PDS5B: variants seen among roughly 807,000 people sequenced by gnomAD.
PDS5B encodes sister chromatid cohesion protein PDS5 homolog B.
A neutral mutation model predicts 184.1 loss-of-function variants in PDS5B; 51 were observed. The observed-to-expected ratio is 0.28, with a 90% confidence interval of 0.22 to 0.35. PDS5B has a LOEUF of 0.35. Among genes scored for constraint, PDS5B ranks in the 10% least tolerant of loss-of-function variants. PDS5B has a pLI of 1.00. For synonymous variants in PDS5B, 566 were observed against 569.2 expected, an observed-to-expected ratio of 0.99 and a Z score of 0.08; for missense variants, 1,180 against 1,723.3, an observed-to-expected ratio of 0.68 and a Z score of 5.58.
chr13:32,666,059 G>A (rs751114016), intron 6 of PDS5B, among the ~76,000 whole-genome samples: 15 of 151,968 alleles, frequency 9.9e-5, no homozygotes, highest in Admixed American at 7.2e-4. Context: ...TAGATAGAAG[G>A]CATAGTTCTT....
chr13:32,732,111 C>T lies in PDS5B; in HGVS notation c.2134C>T (p.Pro712Ser). The T allele has an allele frequency of 6.2e-7, 1 of 1,607,758 alleles. No individual in the cohort carries two copies. ...ATTTTTTTTTAATAGAGCCTTGCTT[C>T]CTGTTTTACATCACAAATCTAAAAA... The part of the protein sequence containing the change: ...DFPHIRSALL[P>S]VLHHKSKKGP... The change falls in exon 20 of 35, where the codon CCT becomes TCT. Residue 712 changes from proline (P) to serine (S), a missense_variant. Coordinates refer to ENST00000315596, the MANE Select transcript of PDS5B (RefSeq NM_015032.4).
At chr13:32,586,964 C>T (rs1457171034) in intron 1 of PDS5B, among the ~76,000 whole-genome samples, 7 of 137,860 alleles carry the variant, frequency 5.1e-5, no homozygotes, top group African/African-American at 5.2e-5. Flanking sequence ...GCGGGGGTCT[C>T]GGGGCCGCCC....
Position 32,658,247 on chromosome 13 carries a change from T to C in PDS5B, c.321T>C (p.Phe107=). Residue 107 remains phenylalanine (F), a synonymous_variant, in exon 4 of 35, where the codon TTT becomes TTC. Coordinates refer to ENST00000315596, the MANE Select transcript of PDS5B (RefSeq NM_015032.4). ...GTCTTTTTTTATTTAAGGATATATT[T>C]ATGTTTATAACAAGACAGTTGAAGG... The part of the protein sequence containing the change: ...YTSPDKLKDI[F]MFITRQLKGL... The C allele has an allele frequency of 1.4e-6, 2 of 1,413,672 alleles. No homozygotes were observed. The highest frequency in any genetic ancestry group is 2.0e-6 in the Non-Finnish European group (2 of 1,011,850). The allele number at this position is 1,413,672 out of a possible 1,614,324, so 87.6% of individuals were successfully genotyped here. A position where few individuals can be genotyped will look rare whatever the true frequency, so the allele number is the denominator to read the frequency against.
intron 32 of PDS5B, 37 bp downstream of exon 32, chr13:32,770,597 T>TA: frequency 6.2e-7 from 1 of 1,600,082 alleles, no homozygotes; most frequent in Non-Finnish European, 8.5e-7. Flanking sequence ...TCTGTTTCGT[T>TA]ACTATATTAT....
intron 6 of PDS5B, among the ~76,000 whole-genome samples, chr13:32,665,512 C>T (rs1057152043): frequency 1.5e-5 from 2 of 135,564 alleles, no homozygotes; most frequent in Non-Finnish European, 3.1e-5. Context: ...TGGTGTGAAC[C>T]CGGGAGGCAG....
chr13:32,777,382 T>C lies in PDS5B; in HGVS notation c.*2330T>C, dbSNP rs965102272. On this transcript the variant is annotated 3_prime_UTR_variant, in exon 35 of 35. Coordinates refer to ENST00000315596, the MANE Select transcript of PDS5B (RefSeq NM_015032.4). ...TTTTTTTTTTGTGTAGAAAAATAGG[T>C]GCAATAATGATCAAAGTTTTGATGT... is the stretch of plus-strand genomic sequence containing the variant. 1 of 141,336 alleles carries C rather than the reference T, an allele frequency of 7.1e-6. No individual in the cohort carries two copies. The highest frequency in any genetic ancestry group is 1.5e-5 in the Non-Finnish European group (1 of 65,136). The allele number at this position is 141,336 out of a possible 1,614,324, so 8.8% of individuals were successfully genotyped here. A position where few individuals can be genotyped will look rare whatever the true frequency, so the allele number is the denominator to read the frequency against.
At chr13:32,726,937 AT>A (rs1245348408) in intron 19 of PDS5B, among the ~76,000 whole-genome samples, 1 of 152,058 alleles carries the variant, frequency 6.6e-6, no homozygotes. Flanking sequence ...TTATTTATTT[AT>A]TTTTAAATAA....
intron 1 of PDS5B, among the ~76,000 whole-genome samples, chr13:32,641,315 T>C (rs1950083112): frequency 1.3e-5 from 2 of 152,184 alleles, no homozygotes; most frequent in South Asian, 4.1e-4. Flanking sequence ...TGATACCCTC[T>C]TCTTCTGTGT....
chr13:32,642,160 G>C (rs1478645678), intron 1 of PDS5B, among the ~76,000 whole-genome samples: 1 of 152,138 alleles, frequency 6.6e-6, no homozygotes, highest in East Asian at 1.9e-4. Flanking sequence ...GAATTTTGCA[G>C]TAGTTTTCTA....
At chr13:32,616,689 G>A (rs1468309382) in intron 1 of PDS5B, among the ~76,000 whole-genome samples, 1 of 152,036 alleles carries the variant, frequency 6.6e-6, no homozygotes, top group African/African-American at 2.4e-5. Flanking sequence ...TCTACCTTGG[G>A]ATTATTTATT....
intron 1 of PDS5B, among the ~76,000 whole-genome samples, chr13:32,603,372 T>C (rs1244864716): frequency 6.6e-6 from 1 of 152,146 alleles, no homozygotes; most frequent in African/African-American, 2.4e-5. Context: ...CCATTTCTTG[T>C]TTTTGTCAGG....
chr13:32,728,197 T>C (rs1952976817), intron 19 of PDS5B, among the ~76,000 whole-genome samples: 1 of 152,098 alleles, frequency 6.6e-6, no homozygotes, highest in Non-Finnish European at 1.5e-5. Flanking sequence ...AGCACTGCAT[T>C]CCTGATTTAT....
chr13:32,676,034 A>T, intron 9 of PDS5B, 75 bp downstream of exon 9: 1 of 775,270 alleles, frequency 1.3e-6, no homozygotes, highest in Non-Finnish European at 2.2e-6. Context: ...CATTATCCAC[A>T]TTTAAACTGT....
At chr13:32,735,054 A>G in intron 20 of PDS5B, 118 bp from the exon 21 acceptor site, 1 of 588,596 alleles carries the variant, frequency 1.7e-6, no homozygotes, top group Non-Finnish European at 2.7e-6. Flanking sequence ...TGTAGTTTTT[A>G]TAATTTGAAT....
At chr13:32,646,469 A>G (rs1428880329) in intron 1 of PDS5B, among the ~76,000 whole-genome samples, 1 of 147,602 alleles carries the variant, frequency 6.8e-6, no homozygotes. Context: ...TGTTTTGGCA[A>G]CTGAATGGTA....
intron 1 of PDS5B, among the ~76,000 whole-genome samples, chr13:32,637,147 A>ATC (rs1231264839): frequency 2.0e-5 from 3 of 146,660 alleles, no homozygotes; most frequent in African/African-American, 7.6e-5. Flanking sequence ...GCTTATTAAG[A>ATC]TCATTCTGGT....
intron 23 of PDS5B, among the ~76,000 whole-genome samples, chr13:32,745,458 A>G (rs17077800): frequency 7.2e-5 from 11 of 152,226 alleles, no homozygotes; most frequent in Admixed American, 6.5e-4. Flanking sequence ...GTATTAGACA[A>G]CATCTTCCAA....
chr13:32,714,902 G>T (rs150266960), intron 19 of PDS5B, among the ~76,000 whole-genome samples: 1 of 152,206 alleles, frequency 6.6e-6, no homozygotes, highest in South Asian at 2.1e-4. Context: ...GACAGGCATA[G>T]GAAATCACAA....
chr13:32,753,376 C>G lies in PDS5B; in HGVS notation c.2781C>G (p.His927Gln). The G allele has an allele frequency of 6.2e-7, 1 of 1,613,926 alleles. No individual in the cohort carries two copies. Among genetic ancestry groups the G allele is most frequent in the Non-Finnish European group, 8.5e-7 (1 of 1,179,804 alleles). Residue 927 changes from histidine (H) to glutamine (Q), a missense_variant, in exon 25 of 35, where the codon CAC (histidine) becomes CAG (glutamine). Transcript: ENST00000315596. ...GACAAGTGTTTGCCCAGAAACTTCACAAAGGCCTTTCCCGTTTACGGCTTC... is the reference window on the plus strand; with the variant it reads ...GACAAGTGTTTGCCCAGAAACTTCAGAAAGGCCTTTCCCGTTTACGGCTTC... Reference protein sequence around the residue: ...QVRQVFAQKLHKGLSRLRLPL... With the variant: ...QVRQVFAQKLQKGLSRLRLPL...
Sources: gnomAD v4.1 joint callset for allele counts (sites outside exome capture counted in the v4.1 genomes callset) on GRCh38, gnomAD v4.1.1 for gene constraint, MANE v1.5 for transcripts, NCBI Gene and HGNC (gene_info 2026-07-23, HGNC 2026-07-21) for gene names.